The following ARHGAP10 variants were observed in gnomAD, a reference collection of about 807,000 sequenced individuals.
ARHGAP10 encodes rho GTPase-activating protein 10.
Under a neutral mutation model 108.6 loss-of-function variants are expected in ARHGAP10, and 87 were observed. The ratio of observed to expected loss-of-function variants is 0.80; its 90% CI spans 0.67 to 0.96. ARHGAP10 has a LOEUF of 0.96. ARHGAP10 is among the 40% of genes least tolerant of loss of function. The probability of loss-of-function intolerance (pLI) is 0.00; values close to 1 mark genes in which losing one functional copy is unlikely to be tolerated. For synonymous variants in ARHGAP10, 347 were observed against 341.1 expected, an observed-to-expected ratio of 1.02 and a Z score of -0.19; for missense variants, 939 against 954.5, an observed-to-expected ratio of 0.98 and a Z score of 0.21.
chr4:147,989,898 A>ACTG (rs1740204632), intron 18 of ARHGAP10, among the ~76,000 whole-genome samples: 1 of 152,250 alleles, frequency 6.6e-6, no homozygotes, highest in Non-Finnish European at 1.5e-5. Flanking sequence ...TGAAATCTTT[A>ACTG]CAATTTATGT....
intron 10 of ARHGAP10, among the ~76,000 whole-genome samples, chr4:147,885,435 G>GA (rs1284465471): frequency 6.6e-6 from 1 of 152,122 alleles, no homozygotes; most frequent in East Asian, 1.9e-4. Flanking sequence ...AATAGCATGG[G>GA]AAAAACCCAT....
chr4:147,909,921 T>A, intron 12 of ARHGAP10, 144 bp downstream of exon 12: 1 of 739,206 alleles, frequency 1.4e-6, no homozygotes, highest in Non-Finnish European at 2.2e-6. Flanking sequence ...AATCCTCTAT[T>A]GCATGTGTTC....
chr4:147,919,517 G>T lies in ARHGAP10; in HGVS notation c.1228+6378G>T, dbSNP rs139166974. On this transcript the variant is annotated intron_variant, in intron 13 of 22. Coordinates refer to ENST00000336498, the MANE Select transcript of ARHGAP10 (RefSeq NM_024605.4). ...AGCTAAAAGACTTCCTAAAGCAGTT[G>T]TTCCCAAACTTTGCTGCACATTGAA... Among the ~76,000 whole-genome samples the T allele has an allele frequency of 7.2e-5, 11 of 152,154 alleles. No individual in the cohort carries two copies. In the South Asian group the frequency reaches 2.1e-3, roughly 29 times the overall value.
At chr4:147,755,211 GAAC>G (rs1729318102) in intron 1 of ARHGAP10, among the ~76,000 whole-genome samples, 1 of 151,994 alleles carries the variant, frequency 6.6e-6, no homozygotes, top group Admixed American at 6.6e-5. Flanking sequence ...GTTATTTTAA[GAAC>G]AAAAATATCA....
At chr4:147,797,705 C>T (rs1254108951) in intron 1 of ARHGAP10, among the ~76,000 whole-genome samples, 1 of 152,186 alleles carries the variant, frequency 6.6e-6, no homozygotes, top group East Asian at 1.9e-4. Context: ...GCCGTTGCGC[C>T]TGGCCAGCCA....
intron 3 of ARHGAP10, 86 bp from the exon 4 acceptor site, chr4:147,847,065 G>A (rs1733664341): frequency 4.7e-6 from 5 of 1,052,828 alleles, no homozygotes; most frequent in Non-Finnish European, 7.0e-6. Flanking sequence ...CTTTCTGGGT[G>A]GGATGGAAGA....
At chr4:148,025,599 A>T (rs1741735722) in intron 19 of ARHGAP10, among the ~76,000 whole-genome samples, 1 of 152,084 alleles carries the variant, frequency 6.6e-6, no homozygotes, top group South Asian at 2.1e-4. Flanking sequence ...ATTCTAAAAA[A>T]AAAAGAAAAG....
At chr4:147,794,004 A>G (rs2126750537) in intron 1 of ARHGAP10, among the ~76,000 whole-genome samples, 1 of 152,362 alleles carries the variant, frequency 6.6e-6, no homozygotes, top group East Asian at 1.9e-4. Context: ...TGTTCTGCAG[A>G]TCACAGACTG....
At chr4:147,986,097 C>T (rs1030468065) in intron 18 of ARHGAP10, among the ~76,000 whole-genome samples, 1 of 152,198 alleles carries the variant, frequency 6.6e-6, no homozygotes, top group Non-Finnish European at 1.5e-5. Flanking sequence ...CGGAAAGCCT[C>T]TCATCTGCCA....
chr4:148,023,224 C>T, intron 18 of ARHGAP10, 39 bp from the exon 19 acceptor site: 1 of 1,607,546 alleles, frequency 6.2e-7, no homozygotes, highest in Non-Finnish European at 8.5e-7. Context: ...GGTTTCTGTT[C>T]ATGGTAAATA....
chr4:147,844,480 CT>C (rs1015668586), intron 3 of ARHGAP10, among the ~76,000 whole-genome samples: 3 of 152,162 alleles, frequency 2.0e-5, no homozygotes, highest in African/African-American at 7.2e-5. Context: ...TACCTCCCCC[CT>C]ACTATACTTC....
intron 1 of ARHGAP10, among the ~76,000 whole-genome samples, chr4:147,755,082 CA>C (rs550063397): frequency 0.017 from 1,775 of 103,470 alleles, 26 homozygotes; most frequent in African/African-American, 0.048. Context: ...AACTCCGTCT[CA>C]AAAAAAAAAA....
intron 18 of ARHGAP10, among the ~76,000 whole-genome samples, chr4:147,993,633 T>C (rs1480312319): frequency 1.3e-5 from 2 of 152,242 alleles, no homozygotes; most frequent in Non-Finnish European, 2.9e-5. Flanking sequence ...AGTTTGGACC[T>C]ACAAGGAGCC....
intron 17 of ARHGAP10, 135 bp from the exon 18 acceptor site, chr4:147,966,545 T>G (rs1739207938): frequency 1.4e-6 from 1 of 734,864 alleles, no homozygotes; most frequent in African/African-American, 1.8e-5. Flanking sequence ...ATCTGGTTAT[T>G]TCAGAGGTAG....
chr4:147,946,483 TA>T (rs977911796), intron 14 of ARHGAP10, 133 bp from the exon 15 acceptor site: 5 of 626,404 alleles, frequency 8.0e-6, no homozygotes, highest in Admixed American at 3.2e-5. Context: ...AGAGAAATCA[TA>T]TATATAATGT....
intron 1 of ARHGAP10, among the ~76,000 whole-genome samples, chr4:147,771,351 A>G (rs922494420): frequency 4.6e-5 from 7 of 152,140 alleles, no homozygotes; most frequent in Non-Finnish European, 1.0e-4. Context: ...CACAGTAGGT[A>G]TATATATTTG....
chr4:147,976,759 T>C (rs912683427), intron 18 of ARHGAP10, among the ~76,000 whole-genome samples: 3 of 152,184 alleles, frequency 2.0e-5, no homozygotes, highest in African/African-American at 7.2e-5. Flanking sequence ...AGATTGTATT[T>C]TCCCTTGGGA....
chr4:147,743,791 AATAC>A (rs777986082), intron 1 of ARHGAP10, among the ~76,000 whole-genome samples: 1 of 152,162 alleles, frequency 6.6e-6, no homozygotes, highest in Non-Finnish European at 1.5e-5. Flanking sequence ...AAAATAAATA[AATAC>A]ATAAATAAAT....
intron 18 of ARHGAP10, among the ~76,000 whole-genome samples, chr4:147,977,378 G>A (rs938386447): frequency 6.6e-6 from 1 of 152,070 alleles, no homozygotes; most frequent in Non-Finnish European, 1.5e-5. Context: ...TATGGGCTTG[G>A]TTTTTTGCCT....
Sources: gnomAD v4.1 joint callset for allele counts (sites outside exome capture counted in the v4.1 genomes callset) on GRCh38, gnomAD v4.1.1 for gene constraint, MANE v1.5 for transcripts, NCBI Gene and HGNC (gene_info 2026-07-23, HGNC 2026-07-21) for gene names.